The following PSMD3 variants were observed in gnomAD, a reference collection of about 807,000 sequenced individuals.
PSMD3 encodes the protein 26S proteasome non-ATPase regulatory subunit 3.
Under a neutral mutation model 62.8 loss-of-function variants are expected in PSMD3, and 5 were observed. The observed-to-expected ratio is 0.08, with a 90% CI of 0.04 to 0.17. PSMD3 has a LOEUF of 0.17. PSMD3 is among the 10% of genes least tolerant of loss of function. PSMD3 has a pLI of 1.00. For synonymous variants in PSMD3, 265 were observed against 283.9 expected (o/e 0.93, Z 0.67); for missense variants, 524 against 713.6 (o/e 0.73, Z 3.03).
Position 39,984,370 on chromosome 17 carries a change from G to A in PSMD3, c.297G>A (p.Arg99=). The part of the protein sequence containing the change: ...KEPRFVLRAL[R]MLPSTSRRLN... ...CGAGATTCGTGCTGCGGGCCCTGCG[G>A]ATGCTGCCTTCCACATCACGCCGCC... The change falls in exon 2 of 12, where the codon CGG becomes CGA. Residue 99 remains arginine (R), a synonymous_variant. Coordinates refer to ENST00000264639, the MANE Select transcript of PSMD3 (RefSeq NM_002809.4). 1 of 1,613,830 alleles carries A rather than the reference G, an allele frequency of 6.2e-7. No individual in the cohort carries two copies. The highest frequency in any genetic ancestry group is 8.5e-7 in the Non-Finnish European group (1 of 1,180,028).
chr17:39,981,070 G>A lies in PSMD3; in HGVS notation c.100G>A (p.Asp34Asn). ...QEPPPPPAPQ[D>N]VEMKEEAATG... ...ACCCCCACCGCCGCCGGCCCCCCAGGATGTGGAGATGAAAGAGGAGGCAGC... is the reference window on the plus strand; with the variant it reads ...ACCCCCACCGCCGCCGGCCCCCCAGAATGTGGAGATGAAAGAGGAGGCAGC... The change falls in exon 1 of 12, where the codon GAT (aspartate) becomes AAT (asparagine). Residue 34 changes from aspartate to asparagine, a missense_variant. Physicochemically the swap from Asp to Asn is conservative, Grantham distance 23. Around this residue, in one of 4 missense-constraint regions of PSMD3, gnomAD observed 396 missense variants for 475.8 expected, o/e 0.83. Transcript: ENST00000264639. The A allele has an allele frequency of 1.3e-6, 2 of 1,550,498 alleles. No individual in the cohort carries two copies. The highest frequency in any genetic ancestry group is 1.4e-5 in the African/African-American group (1 of 73,172).
At chr17:39,981,639 G>A (rs1376038129) in intron 1 of PSMD3, among the ~76,000 whole-genome samples, 1 of 152,126 alleles carries the variant, frequency 6.6e-6, no homozygotes, top group East Asian at 1.9e-4. Context: ...GCAGATTTTT[G>A]TTGTCCTAGC....
chr17:39,990,014 C>T, intron 5 of PSMD3, 80 bp from the exon 6 acceptor site: 5 of 1,589,064 alleles, frequency 3.1e-6, no homozygotes, highest in African/African-American at 1.3e-5. Context: ...GCATAAGAGG[C>T]CCATTTGGCA....
chr17:39,990,220 C>T (rs1210953212), intron 6 of PSMD3, 23 bp downstream of exon 6: 1 of 1,527,274 alleles, frequency 6.5e-7, no homozygotes, highest in Admixed American at 2.0e-5. Flanking sequence ...TACCATCATC[C>T]CTTTGCCTCT....
At chr17:39,992,024 C>CAAATAAAAAAAAAAAAAAAAAAAAAAAAA (rs1980666673) in intron 6 of PSMD3, among the ~76,000 whole-genome samples, 1 of 102,070 alleles carries the variant, frequency 9.8e-6, no homozygotes, top group Non-Finnish European at 2.1e-5. Flanking sequence ...GACTCTGTCT[C>CAAATAAAAAAAAAAAAAAAAAAAAAAAAA]AAAAAAAAAC....
intron 6 of PSMD3, chr17:39,994,667 AC>A: frequency 2.3e-6 from 1 of 429,894 alleles, no homozygotes; most frequent in Middle Eastern, 7.1e-4. Flanking sequence ...ACTTTAGAGC[AC>A]TGTCATTTCA....
chr17:39,989,998 G>C (rs1417930829), intron 5 of PSMD3, 69 bp downstream of exon 5: 1 of 1,577,092 alleles, frequency 6.3e-7, no homozygotes. Context: ...TTTTCCAAGG[G>C]GTGGTGCATA....
chr17:39,988,912 A>G, intron 4 of PSMD3, 93 bp downstream of exon 4: 5 of 1,499,886 alleles, frequency 3.3e-6, no homozygotes, highest in Non-Finnish European at 4.6e-6. Flanking sequence ...AGGGCGAAGA[A>G]CCTGTAGATG....
At position 39,980,990 on chromosome 17, in the gene PSMD3, C is replaced by T. The variant is rs778475635; in HGVS notation, c.20C>T (p.Ala7Val). The change falls in exon 1 of 12, where the codon GCG (alanine) becomes GTG (valine). Residue 7 changes from alanine (A) to valine (V), a missense_variant. Around this residue, in one of 4 missense-constraint regions of PSMD3, gnomAD observed 396 missense variants for 475.8 expected, o/e 0.83. Transcript: ENST00000264639. ...GGTGCCATGAAGCAGGAGGGCTCGGCGCGGCGCCGCGGCGCGGACAAGGCG... is the reference window on the plus strand; with the variant it reads ...GGTGCCATGAAGCAGGAGGGCTCGGTGCGGCGCCGCGGCGCGGACAAGGCG... The part of the protein sequence containing the change: MKQEGS[A>V]RRRGADKAKP... The T allele has an allele frequency of 4.5e-6, 7 of 1,545,022 alleles. No individual in the cohort carries two copies. The South Asian group carries it at 4.8e-5, about 11-fold the overall frequency.
intron 4 of PSMD3, 87 bp downstream of exon 4, chr17:39,988,906 C>T (rs1598313122): frequency 5.3e-6 from 8 of 1,515,548 alleles, no homozygotes; most frequent in East Asian, 2.3e-5. Context: ...CTGCAGAGGG[C>T]GAAGAACCTG....
rs755506708 is a variant in PSMD3, at chr17:39,980,985, C to G, written c.15C>G (p.Gly5=). ...CCCCGGGTGCCATGAAGCAGGAGGG[C>G]TCGGCGCGGCGCCGCGGCGCGGACA... The part of the protein sequence containing the change: MKQE[G]SARRRGADKA... Residue 5 remains glycine (G), a synonymous_variant, in exon 1 of 12, where the codon GGC becomes GGG. Transcript: ENST00000264639. The G allele has an allele frequency of 1.9e-6, 3 of 1,545,620 alleles. No homozygotes were observed. Among genetic ancestry groups the G allele is most frequent in the Non-Finnish European group, 2.6e-6 (3 of 1,146,852 alleles).
Position 39,995,147 on chromosome 17 carries a change from C to T in PSMD3, c.1097-29C>T. On this transcript the variant is annotated intron_variant, in intron 7 of 11. Coordinates refer to ENST00000264639, the MANE Select transcript of PSMD3 (RefSeq NM_002809.4). This position sits in a 1 kb window ranked among gnomAD's most constrained non-coding sequence, Gnocchi z 4.1. ...CTTACATGCCTGTGCCTATTTGCAT[C>T]ATCCAATCTACTCCTGTTCTGCCTG... The T allele has an allele frequency of 6.2e-7, 1 of 1,614,156 alleles. No homozygotes were observed.
intron 6 of PSMD3, chr17:39,993,798 C>T (rs948037348): frequency 1.3e-5 from 2 of 152,162 alleles, no homozygotes; most frequent in African/African-American, 4.8e-5. Flanking sequence ...TCATAACGGT[C>T]TTGTGAGGTA....
At chr17:39,990,227 C>CAA in intron 6 of PSMD3, 30 bp downstream of exon 6, 1 of 1,381,386 alleles carries the variant, frequency 7.2e-7, no homozygotes, top group Non-Finnish European at 9.7e-7. Context: ...ATCCCTTTGC[C>CAA]TCTTTTTTTT....
chr17:39,990,297 A>C, intron 6 of PSMD3, 100 bp downstream of exon 6: 2 of 1,047,682 alleles, frequency 1.9e-6, no homozygotes. Context: ...TCCTGGGTTC[A>C]AGAAGTCCTC....
At position 39,981,119 on chromosome 17, in the gene PSMD3, A is replaced by AGGCAGACGGCAAGACGGCGGC; in HGVS notation, c.155_175dup (p.Asp52_Ala58dup). On this transcript the variant is annotated inframe_insertion, in exon 1 of 12. Transcript: ENST00000264639. ...GCGACGGGTGGCGGGTCGACGGGGG[A>AGGCAGACGGCAAGACGGCGGC]GGCAGACGGCAAGACGGCGGCGGCA... 2.6e-6 allele frequency: 4 copies of AGGCAGACGGCAAGACGGCGGC among 1,550,390 alleles called. No homozygotes were observed. Among genetic ancestry groups the AGGCAGACGGCAAGACGGCGGC allele is most frequent in the Non-Finnish European group, 3.5e-6 (4 of 1,146,604 alleles).
chr17:39,997,799 C>G lies in PSMD3; in HGVS notation c.*218C>G, dbSNP rs926097949. The G allele has an allele frequency of 3.3e-6, 2 of 601,874 alleles. No homozygotes were observed. Among genetic ancestry groups the G allele is most frequent in the African/African-American group, 3.7e-5 (2 of 54,054 alleles). The allele number at this position is 601,874 out of a possible 1,614,324, so 37.3% of individuals were successfully genotyped here. A position where few individuals can be genotyped will look rare whatever the true frequency, so the allele number is the denominator to read the frequency against. On this transcript the variant is annotated 3_prime_UTR_variant, in exon 12 of 12. Coordinates refer to ENST00000264639, the MANE Select transcript of PSMD3 (RefSeq NM_002809.4). ...GCAGGCAGGAGGGTGGGCAGGCAAC[C>G]TCCCCGGGCAGGGTCCTGGCCAGCA...
At position 39,996,698 on chromosome 17, in the gene PSMD3, CAG is replaced by C. The variant is rs768092400; in HGVS notation, c.1476+361_1476+362del. 2.4e-5 allele frequency: 12 copies of C among 491,240 alleles called. No homozygotes were observed. Among genetic ancestry groups the C allele is most frequent in the South Asian group, 7.7e-5 (5 of 64,862 alleles). The allele number at this position is 491,240 out of a possible 1,614,324, so 30.4% of individuals were successfully genotyped here. ...GGTGTTACCTGTCTTGCTTGCTTCA[CAG>C]GGTTGGTAAGATTAAAAGAAGTCCC... On this transcript the variant is annotated intron_variant, in intron 10 of 11. Transcript: ENST00000264639. The surrounding 1 kb of genome is among the most constrained non-coding windows in gnomAD (Gnocchi z 5.1).
rs1980417203 is a variant in PSMD3 at position 39,982,692 on chromosome 17, G to A, written c.220+1502G>A. Among the ~76,000 whole-genome samples, 3 of 152,138 alleles carry A rather than the reference G, an allele frequency of 2.0e-5. No individual in the cohort carries two copies. The South Asian group carries it at 6.2e-4, about 31-fold the overall frequency. On this transcript the variant is annotated intron_variant, in intron 1 of 11. Coordinates refer to ENST00000264639, the MANE Select transcript of PSMD3 (RefSeq NM_002809.4). ...AACTGTGCCTAGCACATAAATATCA[G>A]CTGTTATTATTTATATCATTAGTGT...
Sources: gnomAD v4.1 joint callset for allele counts (sites outside exome capture counted in the v4.1 genomes callset) on GRCh38, gnomAD v4.1.1 for gene constraint, gnomAD v4.1.1 regional missense constraint, Gnocchi (gnomAD v3.1) non-coding constraint, MANE v1.5 for transcripts, NCBI Gene and HGNC (gene_info 2026-07-23, HGNC 2026-07-21) for gene names.